The following PRIM2 variants were observed in gnomAD, a reference collection of about 807,000 sequenced individuals.
PRIM2 encodes DNA primase subunit 2.
A neutral mutation model predicts 67.3 loss-of-function variants in PRIM2; 39 were observed. That is an observed-to-expected ratio of 0.58 (90% CI 0.45 to 0.76). The LOEUF is 0.76. Among genes scored for constraint, PRIM2 ranks in the 30% least tolerant of loss-of-function variants. The pLI is 0.00. For missense variants in PRIM2, 398 were observed against 598.7 expected, an observed-to-expected ratio of 0.66 and a Z score of 3.50; for synonymous variants, 143 against 198.7, an observed-to-expected ratio of 0.72 and a Z score of 2.36.
chr6:57,251,018 C>G, the PRIM2 span, among the ~76,000 whole-genome samples: 1 of 152,176 alleles, frequency 6.6e-6, no homozygotes, highest in Non-Finnish European at 1.5e-5. Flanking sequence ...CCAAGCATTT[C>G]AAATGAAGGA....
intron 12 of PRIM2, among the ~76,000 whole-genome samples, chr6:57,621,529 T>C (rs1776854734): frequency 6.6e-6 from 1 of 152,152 alleles, no homozygotes; most frequent in Admixed American, 6.6e-5. Context: ...CTGTAACCTT[T>C]TATATGTATA....
chr6:57,567,881 ATCTGCCTGTAACTATAAT>A, intron 10 of PRIM2, among the ~76,000 whole-genome samples: 1 of 152,342 alleles, frequency 6.6e-6, no homozygotes. Flanking sequence ...CTGCAGGGAA[ATCTGCCTGTAACTATAAT>A]TCTGCATTAT....
intron 10 of PRIM2, among the ~76,000 whole-genome samples, chr6:57,545,991 T>C (rs1775283400): frequency 6.6e-6 from 1 of 152,210 alleles, no homozygotes; most frequent in Non-Finnish European, 1.5e-5. Context: ...CAGTAGGAAC[T>C]GGTCTTGTTG....
intron 11 of PRIM2, among the ~76,000 whole-genome samples, chr6:57,604,611 T>C (rs1274712314): frequency 6.6e-6 from 1 of 152,068 alleles, no homozygotes; most frequent in African/African-American, 2.4e-5. Flanking sequence ...TTCTCTTAGA[T>C]AGTTCTTATT....
the PRIM2 span, among the ~76,000 whole-genome samples, chr6:57,300,663 T>C: frequency 6.6e-6 from 1 of 152,176 alleles, no homozygotes; most frequent in African/African-American, 2.4e-5. Context: ...TTTTCTTTAA[T>C]AAATCATAGT....
chr6:57,302,623 G>T, the PRIM2 span, among the ~76,000 whole-genome samples: 8 of 152,220 alleles, frequency 5.3e-5, no homozygotes, highest in East Asian at 1.9e-4. Flanking sequence ...CTCCATTAGG[G>T]TTAATGGATG....
At chr6:57,300,636 CA>C in the PRIM2 span, among the ~76,000 whole-genome samples, 1 of 152,088 alleles carries the variant, frequency 6.6e-6, no homozygotes, top group Non-Finnish European at 1.5e-5. Flanking sequence ...CCACATTTTT[CA>C]AAGTTAGACA....
At chr6:57,580,241 T>A (rs1472557236) in intron 10 of PRIM2, among the ~76,000 whole-genome samples, 1 of 152,116 alleles carries the variant, frequency 6.6e-6, no homozygotes, top group African/African-American at 2.4e-5. Flanking sequence ...ATCTCCTGTT[T>A]ACAAAAAATA....
At chr6:57,404,547 A>T (rs1770818353) in intron 7 of PRIM2, among the ~76,000 whole-genome samples, 1 of 151,356 alleles carries the variant, frequency 6.6e-6, no homozygotes. Context: ...ATACCTGATA[A>T]TATGTGTGAA....
the PRIM2 span, among the ~76,000 whole-genome samples, chr6:57,301,255 C>T: frequency 1.3e-5 from 2 of 152,084 alleles, no homozygotes; most frequent in South Asian, 2.1e-4. Flanking sequence ...TGGGAGGTCA[C>T]GGCGGGTAGA....
chr6:57,488,642 G>A (rs1773807226), intron 7 of PRIM2, among the ~76,000 whole-genome samples: 2 of 152,206 alleles, frequency 1.3e-5, no homozygotes, highest in African/African-American at 2.4e-5. Context: ...CCTACTGTCA[G>A]GAGCAGCAGT....
In PRIM2 at chr6:57,521,251, C is replaced by T. The variant is rs1554348881; in HGVS notation, c.762-11160C>T. Among the ~76,000 whole-genome samples, 36 of 152,064 alleles carry T rather than the reference C, an allele frequency of 2.4e-4. No homozygotes were observed. In the East Asian group the frequency reaches 2.7e-3, roughly 11 times the overall value. On this transcript the variant is annotated intron_variant, in intron 8 of 13. Coordinates refer to ENST00000615550, the MANE Select transcript of PRIM2 (RefSeq NM_000947.5). The stretch of plus-strand genomic sequence containing the variant: ...TGAATTTTCCTGTGATATCCTTCAC[C>T]GCAGGAAATGATATATTGTAGCTTT...
chr6:57,522,551 C>G (rs1554349019), intron 8 of PRIM2, among the ~76,000 whole-genome samples: 2,235 of 152,160 alleles, frequency 0.015, 21 homozygotes, highest in Non-Finnish European at 0.025. Flanking sequence ...GGGTCTTGCT[C>G]TTTTGCCCAG....
chr6:57,606,439 T>C lies in PRIM2; in HGVS notation c.1212T>C (p.Ser404=). 6.3e-7 allele frequency: 1 copy of C among 1,593,302 alleles called. No homozygotes were observed. The highest frequency in any genetic ancestry group is 8.6e-7 in the Non-Finnish European group (1 of 1,166,400). The change falls in exon 12 of 14, where the codon TCT becomes TCC. Residue 404 remains serine (S), a synonymous_variant. Transcript: ENST00000615550. ...LKQKLQSYKI[S]PGGISQILDL... ...AAAAGTTGCAGTCATACAAGATCTC[T>C]CCTGGAGGGATAAGCCAGGTAGGTC...
chr6:57,258,942 C>T, the PRIM2 span, among the ~76,000 whole-genome samples: 1 of 152,116 alleles, frequency 6.6e-6, no homozygotes, highest in Non-Finnish European at 1.5e-5. Flanking sequence ...CCACCAATAT[C>T]TTCTAGTTAT....
chr6:57,325,900 C>G (rs1434967529), intron 4 of PRIM2, 25 bp from the exon 5 acceptor site: 2 of 1,554,022 alleles, frequency 1.3e-6, no homozygotes, highest in East Asian at 4.6e-5. Flanking sequence ...TTAGTTTGTA[C>G]TCATAATTTC....
At chr6:57,508,232 C>G (rs1554347396) in intron 8 of PRIM2, among the ~76,000 whole-genome samples, 42,523 of 152,108 alleles carry the variant, frequency 0.28, 6,316 homozygotes, top group East Asian at 0.45. Context: ...CCACCGCACC[C>G]TGCCCTTTCT....
At chr6:57,394,598 A>G (rs1770459016) in intron 7 of PRIM2, among the ~76,000 whole-genome samples, 1 of 152,146 alleles carries the variant, frequency 6.6e-6, no homozygotes, top group African/African-American at 2.4e-5. Flanking sequence ...GTAAACGATC[A>G]TAACGCCAGC....
At chr6:57,578,283 G>C in intron 10 of PRIM2, among the ~76,000 whole-genome samples, 1 of 152,228 alleles carries the variant, frequency 6.6e-6, no homozygotes, top group Middle Eastern at 3.4e-3. Context: ...CCACTGTAGA[G>C]TTACTATGTT....
Sources: gnomAD v4.1 joint callset for allele counts (sites outside exome capture counted in the v4.1 genomes callset) on GRCh38, gnomAD v4.1.1 for gene constraint, MANE v1.5 for transcripts, NCBI Gene and HGNC (gene_info 2026-07-23, HGNC 2026-07-21) for gene names.